Variants in SYT1 observed in about 807,000 individuals in gnomAD.
SYT1 encodes synaptotagmin 1.
Under a neutral mutation model 44.8 loss-of-function variants are expected in SYT1, and 8 were observed. That is an observed-to-expected ratio of 0.18 (90% confidence interval 0.10 to 0.32). SYT1 has a LOEUF of 0.32. Among genes scored for constraint, SYT1 ranks in the 10% least tolerant of loss-of-function variants. The pLI is 1.00. For synonymous variants in SYT1, 154 were observed against 188.8 expected (o/e 0.82, Z 1.51); for missense variants, 286 against 509.3 (o/e 0.56, Z 4.22).
At chr12:78,983,268 G>C (rs936383073) in intron 2 of SYT1, among the ~76,000 whole-genome samples, 1 of 151,868 alleles carries the variant, frequency 6.6e-6, no homozygotes, top group Non-Finnish European at 1.5e-5. Flanking sequence ...ATGAATTGCC[G>C]GAGAAATTTG....
chr12:79,175,534 G>A (rs1213509821), intron 3 of SYT1, among the ~76,000 whole-genome samples: 1 of 152,028 alleles, frequency 6.6e-6, no homozygotes, highest in Non-Finnish European at 1.5e-5. Flanking sequence ...CTTTAAAAAT[G>A]TATTTCAAAG....
Position 79,046,104 on chromosome 12 carries a change from C to G in SYT1, c.-83-1193C>G, listed in dbSNP as rs572760349. 2.6e-5 allele frequency among the ~76,000 whole-genome samples: 4 copies of G among 152,258 alleles called. No individual in the cohort carries two copies. In the South Asian group the frequency reaches 8.3e-4, roughly 32 times the overall value. ...TCAGGCAAACCTAGGTGCATTTTAA[C>G]ATTGCTCTTCCAAATGGATTTTACT... On this transcript the variant is annotated intron_variant, in intron 2 of 10. Transcript: ENST00000261205.
chr12:79,360,296 T>A (rs988510006), intron 9 of SYT1, among the ~76,000 whole-genome samples: 5 of 152,172 alleles, frequency 3.3e-5, no homozygotes, highest in Non-Finnish European at 7.4e-5. Flanking sequence ...TCCAGTATCC[T>A]CTTCCCTGAA....
chr12:79,301,151 T>A (rs536382060), intron 8 of SYT1, among the ~76,000 whole-genome samples: 38 of 152,206 alleles, frequency 2.5e-4, no homozygotes, highest in African/African-American at 8.4e-4. Context: ...ATTAACTGAT[T>A]GGTTTTATTA....
chr12:79,237,689 C>T (rs1876268314), intron 4 of SYT1, among the ~76,000 whole-genome samples: 1 of 152,148 alleles, frequency 6.6e-6, no homozygotes, highest in South Asian at 2.1e-4. Flanking sequence ...ATGATTAAAG[C>T]AGGCAATCTA....
At chr12:79,287,094 C>T (rs1879349783) in intron 5 of SYT1, among the ~76,000 whole-genome samples, 1 of 152,122 alleles carries the variant, frequency 6.6e-6, no homozygotes, top group Admixed American at 6.6e-5. Context: ...ATTAACTCCC[C>T]TTCCCAGCTT....
intron 1 of SYT1, among the ~76,000 whole-genome samples, chr12:78,937,177 A>T (rs953502900): frequency 1.3e-5 from 2 of 152,118 alleles, no homozygotes; most frequent in African/African-American, 4.8e-5. Flanking sequence ...AGCTGAGGGG[A>T]ATGTTTAGTC....
intron 4 of SYT1, among the ~76,000 whole-genome samples, chr12:79,235,815 A>C (rs532080670): frequency 6.6e-6 from 1 of 152,156 alleles, no homozygotes; most frequent in South Asian, 2.1e-4. Flanking sequence ...GAAAATATAA[A>C]ATAACAATGA....
At chr12:78,896,764 T>G (rs529294175) in intron 1 of SYT1, among the ~76,000 whole-genome samples, 1 of 151,944 alleles carries the variant, frequency 6.6e-6, no homozygotes, top group East Asian at 1.9e-4. Flanking sequence ...TTAAAAATTA[T>G]GTGAAAAGAA....
At chr12:79,005,695 A>T (rs1871029834) in intron 2 of SYT1, among the ~76,000 whole-genome samples, 1 of 152,122 alleles carries the variant, frequency 6.6e-6, no homozygotes, top group South Asian at 2.1e-4. Flanking sequence ...GACTGAAAAG[A>T]GAGGCAGTTA....
chr12:79,028,006 C>A (rs1872632241), intron 2 of SYT1, among the ~76,000 whole-genome samples: 1 of 150,996 alleles, frequency 6.6e-6, no homozygotes, highest in South Asian at 2.1e-4. Flanking sequence ...ATAAAGATCT[C>A]CACATTTGAT....
intron 3 of SYT1, among the ~76,000 whole-genome samples, chr12:79,103,910 T>C (rs1335323275): frequency 6.6e-6 from 1 of 152,156 alleles, no homozygotes; most frequent in Non-Finnish European, 1.5e-5. Flanking sequence ...CTTGGGTCTG[T>C]AAATTTCACT....
chr12:78,891,335 G>T (rs1413122080), intron 1 of SYT1, among the ~76,000 whole-genome samples: 1 of 151,908 alleles, frequency 6.6e-6, no homozygotes, highest in Non-Finnish European at 1.5e-5. Flanking sequence ...TACATTTAGA[G>T]AAAGTCATCG....
At chr12:78,942,137 A>T (rs1012923255) in intron 1 of SYT1, among the ~76,000 whole-genome samples, 1 of 152,224 alleles carries the variant, frequency 6.6e-6, no homozygotes, top group Non-Finnish European at 1.5e-5. Context: ...GAAAAGAATT[A>T]ACCTTCATTT....
At chr12:79,243,723 A>C (rs1002775797) in intron 4 of SYT1, among the ~76,000 whole-genome samples, 3 of 152,134 alleles carry the variant, frequency 2.0e-5, no homozygotes, top group African/African-American at 7.2e-5. Context: ...TTATCTCAGA[A>C]ATGGAAAACA....
At chr12:79,305,079 T>C (rs1021880429) in intron 8 of SYT1, among the ~76,000 whole-genome samples, 2 of 152,208 alleles carry the variant, frequency 1.3e-5, no homozygotes, top group Admixed American at 6.5e-5. Flanking sequence ...TCCAAGAACA[T>C]GATAGGAAAA....
intron 9 of SYT1, among the ~76,000 whole-genome samples, chr12:79,355,442 G>A (rs1307511833): frequency 6.6e-6 from 1 of 152,062 alleles, no homozygotes; most frequent in Non-Finnish European, 1.5e-5. Context: ...CTCACAACCT[G>A]GGTTCACCCC....
chr12:79,032,858 C>T (rs1872909386), intron 2 of SYT1, among the ~76,000 whole-genome samples: 1 of 151,102 alleles, frequency 6.6e-6, no homozygotes, highest in Admixed American at 6.6e-5. Flanking sequence ...ATGGCAAATA[C>T]CACAATGATG....
At position 79,093,817 on chromosome 12, in the gene SYT1, A is replaced by G. The variant is rs754257344; in HGVS notation, c.-18+46455A>G. ...ATACAGAATTTTTTATCTTATTTCT[A>G]GTAGTTTTAATTACATATATTAATT... On this transcript the variant is annotated intron_variant, in intron 3 of 10. Coordinates refer to ENST00000261205, the MANE Select transcript of SYT1 (RefSeq NM_005639.3). Among the ~76,000 whole-genome samples, 16 of 151,882 alleles carry G rather than the reference A, an allele frequency of 1.1e-4. 1 individual carries two copies. In the Middle Eastern group the frequency reaches 0.01, roughly 97 times the overall value.
Sources: gnomAD v4.1 joint callset for allele counts (sites outside exome capture counted in the v4.1 genomes callset) on GRCh38, gnomAD v4.1.1 for gene constraint, MANE v1.5 for transcripts, NCBI Gene and HGNC (gene_info 2026-07-23, HGNC 2026-07-21) for gene names.